The following TPO variants were observed in gnomAD, a reference collection of about 807,000 sequenced individuals.
TPO encodes the protein thyroid peroxidase.
A neutral mutation model predicts 96.9 loss-of-function variants in TPO; 78 were observed. The observed-to-expected ratio is 0.81, with a 90% CI of 0.67 to 0.97. TPO has a LOEUF of 0.97. TPO is among the 50% of genes least tolerant of loss of function. The pLI is 0.00. For missense variants in TPO, 1,252 were observed against 1,274.8 expected (o/e 0.98, Z 0.27); for synonymous variants, 547 against 538.0 (o/e 1.02, Z -0.23).
intron 15 of TPO, among the ~76,000 whole-genome samples, chr2:1,517,441 C>T (rs928571475): frequency 9.9e-5 from 15 of 152,180 alleles, no homozygotes; most frequent in African/African-American, 3.6e-4. Context: ...GACTCAGACC[C>T]GCACCTGAGA....
intron 15 of TPO, among the ~76,000 whole-genome samples, chr2:1,532,743 GTGTGCAATC>G: frequency 1.7e-3 from 5 of 3,008 alleles, no homozygotes; most frequent in African/African-American, 0.014. Flanking sequence ...TCCCCCCACT[GTGTGCAATC>G]TCCCCATATC....
intron 1 of TPO, among the ~76,000 whole-genome samples, chr2:1,400,101 T>C (rs975699278): frequency 6.6e-6 from 1 of 152,168 alleles, no homozygotes; most frequent in Non-Finnish European, 1.5e-5. Flanking sequence ...GCTTCTTGCA[T>C]TTAGAAAAAA....
chr2:1,542,509 T>C lies in TPO; in HGVS notation c.*35T>C. On this transcript the variant is annotated 3_prime_UTR_variant, in exon 17 of 17. Transcript: ENST00000329066. ...GGCAGGACACTGCAGAACAGCTTCA[T>C]GTTCCCAAAATCACCGTACGACTCT... 3.1e-6 allele frequency: 5 copies of C among 1,613,682 alleles called. No individual in the cohort carries two copies. Among genetic ancestry groups the C allele is most frequent in the East Asian group, 2.2e-5 (1 of 44,870 alleles).
At chr2:1,528,830 T>C (rs1171435618) in intron 15 of TPO, among the ~76,000 whole-genome samples, 94 of 8,040 alleles carry the variant, frequency 0.012, no homozygotes, top group Non-Finnish European at 0.013. Context: ...CCCCAAATCC[T>C]CCTACTGTGT....
chr2:1,496,758 C>T lies in TPO; in HGVS notation c.2379C>T (p.Leu793=). The T allele has an allele frequency of 6.2e-7, 1 of 1,614,174 alleles. No individual in the cohort carries two copies. Among genetic ancestry groups the T allele is most frequent in the Non-Finnish European group, 8.5e-7 (1 of 1,180,040 alleles). ...TQEGWDFQPP[L]CKDVNECADG... ...AAGGATGGGATTTCCAGCCTCCCCT[C>T]TGCAAAGGTCAGTCCTTTCTTCAAT... is the stretch of plus-strand genomic sequence containing the variant. Residue 793 remains leucine (L), a synonymous_variant, in exon 13 of 17, where the codon CTC becomes CTT. Coordinates refer to ENST00000329066, the MANE Select transcript of TPO (RefSeq NM_001206744.2).
At chr2:1,397,658 G>A (rs10203209) in intron 1 of TPO, among the ~76,000 whole-genome samples, 8,164 of 152,248 alleles carry the variant, frequency 0.054, 491 homozygotes, top group African/African-American at 0.14. Flanking sequence ...GGGAGGCCCT[G>A]CTGCATCTCT....
At chr2:1,389,583 G>A (rs151297646) in intron 1 of TPO, among the ~76,000 whole-genome samples, 51 of 152,206 alleles carry the variant, frequency 3.4e-4, no homozygotes, top group African/African-American at 1.2e-3. Flanking sequence ...GTCTGCAAAT[G>A]TTAGTCCTTA....
intron 5 of TPO, among the ~76,000 whole-genome samples, chr2:1,437,450 C>T (rs946331798): frequency 4.6e-5 from 7 of 152,022 alleles, no homozygotes; most frequent in African/African-American, 1.7e-4. Context: ...GGAAGATGCC[C>T]CCCCCGAGAG....
At chr2:1,426,440 T>C (rs1030758793) in intron 3 of TPO, among the ~76,000 whole-genome samples, 1 of 152,166 alleles carries the variant, frequency 6.6e-6, no homozygotes, top group Admixed American at 6.5e-5. Flanking sequence ...CCATGCTTCT[T>C]CTGTAAAGTC....
intron 5 of TPO, among the ~76,000 whole-genome samples, chr2:1,436,655 C>G (rs545229159): frequency 6.6e-6 from 1 of 152,194 alleles, no homozygotes; most frequent in Admixed American, 6.5e-5. Flanking sequence ...CAAATTCCAC[C>G]GCCCTTCACC....
chr2:1,422,316 A>ACCTCGTGCAGGCGCCGCGCTGGACC (rs1663679922), intron 2 of TPO, among the ~76,000 whole-genome samples: 18 of 68,366 alleles, frequency 2.6e-4, no homozygotes, highest in African/African-American at 8.5e-4. Context: ...TCTCCTGGAC[A>ACCTCGTGCAGGCGCCGCGCTGGACC]GACCTCGTGC....
chr2:1,429,664 C>A (rs1381995344), intron 3 of TPO, among the ~76,000 whole-genome samples: 1 of 152,172 alleles, frequency 6.6e-6, no homozygotes, highest in East Asian at 1.9e-4. Context: ...AAATGAGGAA[C>A]TTACTGGGAA....
intron 2 of TPO, among the ~76,000 whole-genome samples, chr2:1,419,731 T>A (rs1235752593): frequency 6.6e-6 from 1 of 152,172 alleles, no homozygotes; most frequent in African/African-American, 2.4e-5. Flanking sequence ...TGGAAAATGA[T>A]TGTTCTTTTG....
At chr2:1,470,447 G>A (rs934781004) in intron 7 of TPO, among the ~76,000 whole-genome samples, 9 of 151,476 alleles carry the variant, frequency 5.9e-5, no homozygotes, top group African/African-American at 1.5e-4. Flanking sequence ...AATTTAGGTC[G>A]ATTTTCGTCA....
chr2:1,410,521 G>T (rs1662317183), upstream of TPO, among the ~76,000 whole-genome samples: 1 of 152,236 alleles, frequency 6.6e-6, no homozygotes. Context: ...CAGGGAGAAA[G>T]GTGGCCTTTC....
chr2:1,390,958 A>C (rs1661990616), intron 1 of TPO, among the ~76,000 whole-genome samples: 1 of 152,072 alleles, frequency 6.6e-6, no homozygotes, highest in African/African-American at 2.4e-5. Context: ...AGATGGCAAA[A>C]ATTTTCTCCC....
chr2:1,420,489 C>G lies in TPO; in HGVS notation c.95-2556C>G, dbSNP rs539335447. Among the ~76,000 whole-genome samples, 17 of 152,158 alleles carry G rather than the reference C, an allele frequency of 1.1e-4. No individual in the cohort carries two copies. The East Asian group carries it at 1.9e-3, about 17-fold the overall frequency. On this transcript the variant is annotated intron_variant, in intron 2 of 16. Transcript: ENST00000329066. ...TCTGGTACCTAAAGATCAGCAGGAT[C>G]AAAATTTCATAAAGGAAGAGCTGGG...
chr2:1,428,878 T>A (rs919472959), intron 3 of TPO, among the ~76,000 whole-genome samples: 7 of 152,148 alleles, frequency 4.6e-5, no homozygotes, highest in African/African-American at 1.7e-4. Context: ...GCTGCTGCTG[T>A]GACTGACAAT....
chr2:1,527,349 AGCAACCTCCCCAAATCCCCGCACTGTGT>A (rs1676825009), intron 15 of TPO, among the ~76,000 whole-genome samples: 1 of 70,516 alleles, frequency 1.4e-5, no homozygotes, highest in African/African-American at 6.2e-5. Flanking sequence ...ACCCCCCGTG[AGCAACCTCCCCAAATCCCCGCACTGTGT>A]GCAACCACCC....
Sources: gnomAD v4.1 joint callset for allele counts (sites outside exome capture counted in the v4.1 genomes callset) on GRCh38, gnomAD v4.1.1 for gene constraint, MANE v1.5 for transcripts, NCBI Gene and HGNC (gene_info 2026-07-23, HGNC 2026-07-21) for gene names.